The following EFNA5 variants were observed in gnomAD, a reference collection of about 807,000 sequenced individuals.
EFNA5 encodes ephrin A5.
In EFNA5, 5 loss-of-function variants were observed where a neutral mutation model predicts 22.9. That is an observed-to-expected ratio of 0.22 (90% CI 0.11 to 0.46). The LOEUF (loss-of-function observed/expected upper bound fraction) is 0.46, where lower values mean the gene tolerates loss of function less well. Among genes scored for constraint, EFNA5 ranks in the 20% least tolerant of loss-of-function variants. The probability of loss-of-function intolerance (pLI) is 0.99; values close to 1 mark genes in which losing one functional copy is unlikely to be tolerated. For synonymous variants in EFNA5, 113 were observed against 112.2 expected (o/e 1.01, Z -0.04); for missense variants, 237 against 293.3 (o/e 0.81, Z 1.40).
Position 107,443,827 on chromosome 5 carries a change from T to G in EFNA5, c.126-16318A>C, listed in dbSNP as rs142336737. 2.2e-4 allele frequency among the ~76,000 whole-genome samples: 34 copies of G among 152,264 alleles called. No homozygotes were observed. The East Asian group carries it at 6.2e-3, about 28-fold the overall frequency. Reference sequence around the variant, plus strand: ...AACTACCATGGCACATGTATACGTATGTAACAAACCTGCACGTTCAGCACA... The same window carrying G: ...AACTACCATGGCACATGTATACGTAGGTAACAAACCTGCACGTTCAGCACA... On this transcript the variant is annotated intron_variant, in intron 1 of 4. Transcript: ENST00000333274.
At chr5:107,424,397 T>A (rs1212859050) in intron 2 of EFNA5, among the ~76,000 whole-genome samples, 7 of 145,510 alleles carry the variant, frequency 4.8e-5, no homozygotes, top group Non-Finnish European at 9.1e-5. Context: ...TTTTTTTTTT[T>A]AGTAGCGATG....
chr5:107,397,864 G>A (rs1307024245), intron 2 of EFNA5, among the ~76,000 whole-genome samples: 1 of 152,102 alleles, frequency 6.6e-6, no homozygotes, highest in African/African-American at 2.4e-5. Context: ...TTGATTGAGT[G>A]GAGAAAAGGA....
rs114148803 is a variant in EFNA5, at chr5:107,431,490, G to A, written c.126-3981C>T. Among the ~76,000 whole-genome samples the A allele has an allele frequency of 8.6e-3, 1,315 of 152,208 alleles. 16 individuals are homozygous for A. Among genetic ancestry groups the A allele is most frequent in the African/African-American group, 0.03 (1,264 of 41,520 alleles). On this transcript the variant is annotated intron_variant, in intron 1 of 4. Transcript: ENST00000333274. The stretch of plus-strand genomic sequence containing the variant: ...ATTATCTCAACTTAATCTCTATTAC[G>A]ATGCCACGGAATAGCCACTATTATT...
rs530646824 is a variant in EFNA5, at chr5:107,623,084, C to A, written c.125+47405G>T. On this transcript the variant is annotated intron_variant, in intron 1 of 4. Transcript: ENST00000333274. Reference sequence around the variant, plus strand: ...GTTGAATACTCACAAGTATTCAAGCCCAGAACTGACTAAATGCAAGGCAGT... The same window carrying A: ...GTTGAATACTCACAAGTATTCAAGCACAGAACTGACTAAATGCAAGGCAGT... Among the ~76,000 whole-genome samples, 23 of 147,798 alleles carry A rather than the reference C, an allele frequency of 1.6e-4. No homozygotes were observed. The South Asian group carries it at 5.0e-3, about 32-fold the overall frequency.
At chr5:107,559,172 C>T (rs991792034) in intron 1 of EFNA5, among the ~76,000 whole-genome samples, 1 of 152,160 alleles carries the variant, frequency 6.6e-6, no homozygotes, top group African/African-American at 2.4e-5. Flanking sequence ...TTCCCCCTAC[C>T]CTGGCCCCTC....
intron 1 of EFNA5, among the ~76,000 whole-genome samples, chr5:107,568,549 G>A (rs1748710274): frequency 6.6e-6 from 1 of 152,206 alleles, no homozygotes; most frequent in South Asian, 2.1e-4. Context: ...GACAGCTGCA[G>A]TCCTTAAATG....
chr5:107,506,994 T>C (rs1747267922), intron 1 of EFNA5, among the ~76,000 whole-genome samples: 1 of 152,172 alleles, frequency 6.6e-6, no homozygotes, highest in African/African-American at 2.4e-5. Context: ...GGGATAAGAA[T>C]CTAAATTTTT....
chr5:107,578,180 G>C (rs935123215), intron 1 of EFNA5, among the ~76,000 whole-genome samples: 1 of 152,164 alleles, frequency 6.6e-6, no homozygotes, highest in Non-Finnish European at 1.5e-5. Context: ...TAAATGCTTA[G>C]GTGCTGAGAA....
intron 1 of EFNA5, among the ~76,000 whole-genome samples, chr5:107,563,018 G>T (rs1748582287): frequency 6.6e-6 from 1 of 152,146 alleles, no homozygotes; most frequent in Non-Finnish European, 1.5e-5. Context: ...AGTCAGTGGG[G>T]TACAAAAGTA....
chr5:107,587,577 C>T (rs575915531), intron 1 of EFNA5, among the ~76,000 whole-genome samples: 6 of 152,226 alleles, frequency 3.9e-5, no homozygotes, highest in East Asian at 1.9e-4. Flanking sequence ...AGTACAGTGG[C>T]GCGATCTTGG....
chr5:107,648,818 C>A (rs1750676112), intron 1 of EFNA5, among the ~76,000 whole-genome samples: 1 of 152,010 alleles, frequency 6.6e-6, no homozygotes, highest in African/African-American at 2.4e-5. Context: ...TTAATAAAAT[C>A]TTTAGAGTCA....
chr5:107,483,729 CT>C (rs774563424), intron 1 of EFNA5, among the ~76,000 whole-genome samples: 22 of 152,126 alleles, frequency 1.4e-4, no homozygotes, highest in Admixed American at 9.2e-4. Flanking sequence ...ACTTTTTGTG[CT>C]TTCTGATTCT....
At position 107,406,118 on chromosome 5, in the gene EFNA5, A is replaced by G. The variant is rs183276917; in HGVS notation, c.419-18347T>C. Among the ~76,000 whole-genome samples, 325 of 140,328 alleles carry G rather than the reference A, an allele frequency of 2.3e-3. 17 individuals carry two copies. Among genetic ancestry groups the G allele is most frequent in the African/African-American group, 7.8e-3 (291 of 37,130 alleles). 92.1% of individuals were successfully genotyped at this position (140,328 alleles called of 152,430 possible). On this transcript the variant is annotated intron_variant, in intron 2 of 4. Transcript: ENST00000333274. ...ATTTGTATACATATTCTATGTATTT[A>G]TATACATAGAATGTATACAAATACA...
intron 2 of EFNA5, among the ~76,000 whole-genome samples, chr5:107,410,252 G>C (rs534123897): frequency 6.6e-6 from 1 of 151,902 alleles, no homozygotes; most frequent in African/African-American, 2.4e-5. Context: ...GGATGGTCTC[G>C]ATCTCCTGAT....
At chr5:107,506,175 T>C (rs181274583) in intron 1 of EFNA5, 4 of 152,404 alleles carry the variant, frequency 2.6e-5, no homozygotes, top group Admixed American at 2.6e-4. Context: ...TCAGGAACAG[T>C]TGTCTACTCC....
intron 1 of EFNA5, among the ~76,000 whole-genome samples, chr5:107,563,730 T>G (rs139820039): frequency 3.3e-4 from 50 of 152,310 alleles, no homozygotes; most frequent in African/African-American, 1.2e-3. Flanking sequence ...CATGAGCCAC[T>G]GCACCCGGCC....
chr5:107,602,605 G>A (rs961730581), intron 1 of EFNA5, among the ~76,000 whole-genome samples: 15 of 152,138 alleles, frequency 9.9e-5, no homozygotes, highest in African/African-American at 2.7e-4. Context: ...AGTGAGCTGT[G>A]CATTTTCCCC....
At chr5:107,528,478 A>C (rs1192135671) in intron 1 of EFNA5, among the ~76,000 whole-genome samples, 1 of 152,246 alleles carries the variant, frequency 6.6e-6, no homozygotes, top group East Asian at 1.9e-4. Context: ...TTGAATAAAA[A>C]TGGAAGGGTG....
intron 1 of EFNA5, among the ~76,000 whole-genome samples, chr5:107,435,315 C>CTTTTTTTTTTTTTTTTTTTTTTTT (rs3999107): frequency 1.2e-4 from 13 of 104,640 alleles, no homozygotes; most frequent in African/African-American, 5.2e-4. Context: ...TGAAGATGCT[C>CTTTTTTTTTTTTTTTTTTTTTTTT]TTTTTTTTTT....
Sources: allele counts gnomAD v4.1 joint callset (sites outside exome capture counted in the v4.1 genomes callset), GRCh38; gene constraint gnomAD v4.1.1; transcripts MANE v1.5; gene names NCBI Gene and HGNC (gene_info 2026-07-23, HGNC 2026-07-21).